The following HDAC7 variants were observed in gnomAD, a reference collection of about 807,000 sequenced individuals.
HDAC7 encodes the protein histone deacetylase 7A.
HDAC7 carries 26 observed loss-of-function variants against 115.5 expected under a neutral mutation model. That is an observed-to-expected ratio of 0.23 (90% confidence interval 0.16 to 0.31). HDAC7 has a LOEUF of 0.31. Among genes scored for constraint, HDAC7 ranks in the 10% least tolerant of loss-of-function variants. The pLI is 1.00. For missense variants in HDAC7, 1,068 were observed against 1,329.0 expected, an observed-to-expected ratio of 0.80 and a Z score of 3.05; for synonymous variants, 564 against 550.9, an observed-to-expected ratio of 1.02 and a Z score of -0.33.
chr12:47,807,120 A>G (rs1944440040), intron 1 of HDAC7, among the ~76,000 whole-genome samples: 1 of 152,076 alleles, frequency 6.6e-6, no homozygotes, highest in Non-Finnish European at 1.5e-5. Flanking sequence ...TTGTATTTTT[A>G]GTAGAGACGG....
At chr12:47,794,583 ATG>A (rs1004129035) in intron 12 of HDAC7, among the ~76,000 whole-genome samples, 175 bp downstream of exon 12, 1 of 152,154 alleles carries the variant, frequency 6.6e-6, no homozygotes, top group Non-Finnish European at 1.5e-5. Flanking sequence ...GTGAGTGTGC[ATG>A]TGTGTGTGTG....
chr12:47,791,357 G>T, intron 15 of HDAC7, 49 bp from the exon 16 acceptor site: 18 of 1,509,704 alleles, frequency 1.2e-5, no homozygotes, highest in Non-Finnish European at 1.6e-5. Context: ...CTCAGCCTTT[G>T]GCCCAACAGG....
intron 24 of HDAC7, chr12:47,785,067 G>A (rs1461408716): frequency 1.8e-6 from 1 of 555,692 alleles, no homozygotes; most frequent in Non-Finnish European, 3.2e-6. Flanking sequence ...ATGGGAACCA[G>A]GCCTTTTGGC....
intron 1 of HDAC7, among the ~76,000 whole-genome samples, chr12:47,815,492 C>A (rs1944824824): frequency 6.6e-6 from 1 of 152,196 alleles, no homozygotes; most frequent in African/African-American, 2.4e-5. Context: ...AGAGGTTGAC[C>A]CAGGGCAGTG....
At chr12:47,804,886 G>A in intron 1 of HDAC7, among the ~76,000 whole-genome samples, 1 of 152,010 alleles carries the variant, frequency 6.6e-6, no homozygotes, top group South Asian at 2.1e-4. Context: ...TCAGGCCCCA[G>A]TCTTGGTCCT....
rs201382191 is a variant in HDAC7, at chr12:47,784,993, C to CCA, written c.2791+392_2791+393dup. On this transcript the variant is annotated intron_variant, in intron 24 of 25. Coordinates refer to ENST00000080059, the MANE Select transcript of HDAC7 (RefSeq NM_015401.5). Reference sequence around the variant, plus strand: ...GTACTTTACAAATGTGGGGGTTATCCCAAGACGCAGCCCCCAAGCCAGCAG... The same window carrying CCA: ...GTACTTTACAAATGTGGGGGTTATCCCACAAGACGCAGCCCCCAAGCCAGCAG... 745 of 591,924 alleles carry CCA rather than the reference C, an allele frequency of 1.3e-3. 10 individuals are homozygous for CCA. The East Asian group carries it at 0.021, about 16-fold the overall frequency. 36.7% of individuals were successfully genotyped at this position (591,924 alleles called of 1,614,324 possible). A position where few individuals can be genotyped will look rare whatever the true frequency, so the allele number is the denominator to read the frequency against.
In HDAC7 at chr12:47,785,660, T is replaced by A. The variant is rs780712047; in HGVS notation, c.2706+92A>T. ...GTTTCAGGCTTGGCCACTCCCACCCTGTCCCATCCCATCTGCCTGCTCCTT... is the reference window on the plus strand; with the variant it reads ...GTTTCAGGCTTGGCCACTCCCACCCAGTCCCATCCCATCTGCCTGCTCCTT... On this transcript the variant is annotated intron_variant, in intron 23 of 25. Transcript: ENST00000080059. 2.7e-4 allele frequency: 405 copies of A among 1,479,740 alleles called. 1 individual carries two copies. Among genetic ancestry groups the A allele is most frequent in the Non-Finnish European group, 3.0e-4 (337 of 1,104,926 alleles). 91.7% of individuals were successfully genotyped at this position (1,479,740 alleles called of 1,614,324 possible).
intron 2 of HDAC7, among the ~76,000 whole-genome samples, chr12:47,800,223 G>A (rs921274957): frequency 1.3e-5 from 2 of 152,200 alleles, no homozygotes; most frequent in African/African-American, 4.8e-5. Flanking sequence ...GAGGCTCGGA[G>A]GTGAAGGGCC....
chr12:47,815,063 C>T (rs1032930662), intron 1 of HDAC7, among the ~76,000 whole-genome samples: 11 of 152,192 alleles, frequency 7.2e-5, no homozygotes, highest in African/African-American at 2.4e-4. Flanking sequence ...GTGCCTAGAA[C>T]ATTGCAAGGC....
rs986478546 is a variant in HDAC7 at position 47,791,283 on chromosome 12, C to T, written c.1959G>A (p.Val653=). 5 of 1,601,534 alleles carry T rather than the reference C, an allele frequency of 3.1e-6. No individual in the cohort carries two copies. Among genetic ancestry groups the T allele is most frequent in the Non-Finnish European group, 4.3e-6 (5 of 1,174,066 alleles). Residue 653 remains valine (V), a synonymous_variant, in exon 16 of 26, where the codon GTG becomes GTA. Coordinates refer to ENST00000080059, the MANE Select transcript of HDAC7 (RefSeq NM_015401.5). Reference sequence around the variant, plus strand: ...CCCCAACCCCACCACAGGGCAGCATCACAAACATCCGCTGTGCCAGGAGCC... The same window carrying T: ...CCCCAACCCCACCACAGGGCAGCATTACAAACATCCGCTGTGCCAGGAGCC... ...LAGLLAQRMF[V]MLPCGGVGVD...
intron 7 of HDAC7, 47 bp downstream of exon 7, chr12:47,796,970 C>T (rs1433147515): frequency 1.3e-6 from 2 of 1,506,050 alleles, no homozygotes; most frequent in South Asian, 2.7e-5. Flanking sequence ...GGGACAAGAC[C>T]AGCCAGGTTT....
chr12:47,791,073 G>T (rs1943471146), intron 16 of HDAC7, 186 bp downstream of exon 16: 3 of 633,254 alleles, frequency 4.7e-6, no homozygotes, highest in Non-Finnish European at 8.4e-6. Context: ...GGAGACTGTG[G>T]GTCCGAGACA....
At chr12:47,804,323 G>A (rs1477339013) in intron 1 of HDAC7, among the ~76,000 whole-genome samples, 3 of 152,110 alleles carry the variant, frequency 2.0e-5, no homozygotes, top group Non-Finnish European at 4.4e-5. Flanking sequence ...TCAGAAGAGC[G>A]CAGAGCGACA....
intron 21 of HDAC7, 75 bp from the exon 22 acceptor site, chr12:47,786,778 G>C (rs985539823): frequency 3.6e-5 from 41 of 1,148,990 alleles, no homozygotes; most frequent in Non-Finnish European, 5.3e-5. Flanking sequence ...CTTTGCGGTG[G>C]GGCACCCTGT....
chr12:47,813,948 G>C (rs1382259693), intron 1 of HDAC7, among the ~76,000 whole-genome samples: 1 of 152,246 alleles, frequency 6.6e-6, no homozygotes, highest in Non-Finnish European at 1.5e-5. Flanking sequence ...GAGAGGGGCT[G>C]AGGCCTGCTG....
intron 1 of HDAC7, among the ~76,000 whole-genome samples, chr12:47,807,752 A>G (rs928269785): frequency 2.0e-5 from 3 of 152,130 alleles, no homozygotes; most frequent in Non-Finnish European, 4.4e-5. Context: ...AGACAATCTC[A>G]AAGAATCATT....
At chr12:47,790,156 T>C (rs2136929882) in intron 16 of HDAC7, 1 of 536,034 alleles carries the variant, frequency 1.9e-6, no homozygotes, top group African/African-American at 1.9e-5. Context: ...AGCACTCTGC[T>C]GGCAGCATCA....
At chr12:47,814,566 C>T (rs1944797806) in intron 1 of HDAC7, among the ~76,000 whole-genome samples, 1 of 152,222 alleles carries the variant, frequency 6.6e-6, no homozygotes, top group South Asian at 2.1e-4. Flanking sequence ...AAAGGGTGCT[C>T]CCCAAGCAAG....
intron 1 of HDAC7, among the ~76,000 whole-genome samples, chr12:47,804,939 G>T (rs1028618177): frequency 6.6e-6 from 1 of 152,042 alleles, no homozygotes; most frequent in Non-Finnish European, 1.5e-5. Context: ...ATCTGCAAAA[G>T]GTGGATGAAA....
Sources: allele counts gnomAD v4.1 joint callset (sites outside exome capture counted in the v4.1 genomes callset), GRCh38; gene constraint gnomAD v4.1.1; transcripts MANE v1.5; gene names NCBI Gene and HGNC (gene_info 2026-07-23, HGNC 2026-07-21).